The following SYNDIG1L variants were observed in gnomAD, a reference collection of about 807,000 sequenced individuals.
SYNDIG1L encodes synapse differentiation inducing 1 like, also known as synapse differentiation-inducing gene protein 1-like.
Under a neutral mutation model 20.1 loss-of-function variants are expected in SYNDIG1L, and 13 were observed. The observed-to-expected ratio is 0.65, with a 90% confidence interval of 0.42 to 1.03. The LOEUF (loss-of-function observed/expected upper bound fraction) is 1.03, where lower values mean the gene tolerates loss of function less well. Among genes scored for constraint, SYNDIG1L ranks in the 50% least tolerant of loss-of-function variants. The pLI is 0.00. For missense variants in SYNDIG1L, 294 were observed against 305.1 expected (o/e 0.96, Z 0.27); for synonymous variants, 128 against 129.3 (o/e 0.99, Z 0.07).
the SYNDIG1L span, among the ~76,000 whole-genome samples, chr14:74,468,939 G>A: frequency 2.0e-5 from 3 of 152,022 alleles, no homozygotes; most frequent in African/African-American, 4.8e-5. Context: ...TCTTCCCTTC[G>A]CTTGGACACC....
the SYNDIG1L span, among the ~76,000 whole-genome samples, chr14:74,465,009 G>C: frequency 6.6e-6 from 1 of 152,204 alleles, no homozygotes; most frequent in East Asian, 1.9e-4. Context: ...GTGGGGAAGA[G>C]GGTGAATGCT....
At chr14:74,419,441 C>A (rs1376468268) in intron 1 of SYNDIG1L, among the ~76,000 whole-genome samples, 1 of 152,130 alleles carries the variant, frequency 6.6e-6, no homozygotes, top group Non-Finnish European at 1.5e-5. Flanking sequence ...GCTAGGTGTA[C>A]TGAGACTCTC....
At position 74,406,746 on chromosome 14, in the gene SYNDIG1L, A is replaced by G. The variant is rs1425163173; in HGVS notation, c.*789T>C. 6.6e-6 allele frequency: 1 copy of G among 152,374 alleles called. No individual in the cohort carries two copies. The highest frequency in any genetic ancestry group is 1.9e-4 in the East Asian group (1 of 5,190). The allele number at this position is 152,374 out of a possible 1,614,324, so 9.4% of individuals were successfully genotyped here. A position where few individuals can be genotyped will look rare whatever the true frequency, so the allele number is the denominator to read the frequency against. ...TCACGGACCCCCAGGCAAAGCCCAG[A>G]AAAGGATGATAGGGGCGGGGAGTGG... On this transcript the variant is annotated 3_prime_UTR_variant, in exon 4 of 4. Coordinates refer to ENST00000331628, the MANE Select transcript of SYNDIG1L (RefSeq NM_001105579.2).
chr14:74,411,325 G>A (rs953811495), intron 1 of SYNDIG1L, among the ~76,000 whole-genome samples: 2 of 151,668 alleles, frequency 1.3e-5, no homozygotes, highest in African/African-American at 4.9e-5. Flanking sequence ...GGTAGATTTT[G>A]AGAGAGGGGG....
chr14:74,441,419 C>T, the SYNDIG1L span, among the ~76,000 whole-genome samples: 1 of 152,114 alleles, frequency 6.6e-6, no homozygotes, highest in Admixed American at 6.5e-5. Flanking sequence ...GAGTTTGGGG[C>T]TAGGAGTTCT....
chr14:74,438,157 C>A, the SYNDIG1L span, among the ~76,000 whole-genome samples: 1 of 152,172 alleles, frequency 6.6e-6, no homozygotes, highest in Non-Finnish European at 1.5e-5. Flanking sequence ...CCAAGCACAT[C>A]AATATCTCTT....
chr14:74,419,340 G>T (rs541257252), intron 1 of SYNDIG1L, among the ~76,000 whole-genome samples: 2 of 152,254 alleles, frequency 1.3e-5, no homozygotes, highest in South Asian at 4.2e-4. Flanking sequence ...GGTCTGTCTT[G>T]CTCCTCCCTG....
At chr14:74,413,776 T>TCACACA (rs3047686) in intron 1 of SYNDIG1L, among the ~76,000 whole-genome samples, 5 of 150,038 alleles carry the variant, frequency 3.3e-5, no homozygotes, top group Admixed American at 2.7e-4. Context: ...ACATATACAC[T>TCACACA]CACACACACA....
chr14:74,427,620 C>A (rs141904350), upstream of SYNDIG1L, among the ~76,000 whole-genome samples: 584 of 152,310 alleles, frequency 3.8e-3, 4 homozygotes, highest in African/African-American at 0.013. Context: ...TATATTATTG[C>A]TCTTCCTGTC....
At chr14:74,476,685 C>A in the SYNDIG1L span, 1 of 936,022 alleles carries the variant, frequency 1.1e-6, no homozygotes, top group Non-Finnish European at 1.6e-6. Flanking sequence ...TCTTCCAGGA[C>A]CCTTGAGCCA....
the SYNDIG1L span, among the ~76,000 whole-genome samples, chr14:74,440,003 A>G: frequency 3.6e-4 from 55 of 152,262 alleles, no homozygotes; most frequent in African/African-American, 1.3e-3. Flanking sequence ...TATGTATTGT[A>G]TATCCTTCCA....
upstream of SYNDIG1L, among the ~76,000 whole-genome samples, chr14:74,426,836 T>A (rs1264949667): frequency 6.6e-6 from 1 of 151,704 alleles, no homozygotes; most frequent in Non-Finnish European, 1.5e-5. Flanking sequence ...GCACAGGTTT[T>A]AAAGCTCATG....
At chr14:74,435,611 G>T in the SYNDIG1L span, among the ~76,000 whole-genome samples, 1 of 152,136 alleles carries the variant, frequency 6.6e-6, no homozygotes, top group Non-Finnish European at 1.5e-5. Flanking sequence ...TTTTACCTCC[G>T]TAATATGCAT....
chr14:74,437,822 T>C, the SYNDIG1L span, among the ~76,000 whole-genome samples: 1,112 of 152,296 alleles, frequency 7.3e-3, 19 homozygotes, highest in African/African-American at 0.025. Flanking sequence ...TCAGCAAATT[T>C]GTTTGGCAGC....
At chr14:74,440,580 G>T in the SYNDIG1L span, among the ~76,000 whole-genome samples, 4,459 of 150,756 alleles carry the variant, frequency 0.03, 80 homozygotes, top group Middle Eastern at 0.045. Context: ...AGCTACTCGG[G>T]AGGCTAAGGC....
the SYNDIG1L span, among the ~76,000 whole-genome samples, chr14:74,434,857 G>A: frequency 6.6e-6 from 1 of 151,228 alleles, no homozygotes; most frequent in African/African-American, 2.4e-5. Flanking sequence ...CGAGGCAGGT[G>A]GATCATGAGG....
At chr14:74,435,493 G>T in the SYNDIG1L span, among the ~76,000 whole-genome samples, 2 of 152,196 alleles carry the variant, frequency 1.3e-5, no homozygotes, top group Non-Finnish European at 2.9e-5. Context: ...CAGCTGGTTG[G>T]CAGGGGAGTC....
At chr14:74,458,346 A>C in the SYNDIG1L span, among the ~76,000 whole-genome samples, 1 of 151,984 alleles carries the variant, frequency 6.6e-6, no homozygotes, top group Non-Finnish European at 1.5e-5. Flanking sequence ...CTATAATCCC[A>C]GCACTTTGGC....
rs114518374 is a variant in SYNDIG1L, at chr14:74,425,578, G to C, written c.-58+334C>G. Among the ~76,000 whole-genome samples, 446 of 152,330 alleles carry C rather than the reference G, an allele frequency of 2.9e-3. 2 individuals carry two copies. The highest frequency in any genetic ancestry group is 0.01 in the African/African-American group (423 of 41,580). ...ATTTTGCTAGTGTCGCAAAACCTTG[G>C]TGGGGACTGGGGTACCAGGGAGTCT... On this transcript the variant is annotated intron_variant, in intron 1 of 3. Coordinates refer to ENST00000331628, the MANE Select transcript of SYNDIG1L (RefSeq NM_001105579.2).
Sources: allele counts gnomAD v4.1 joint callset (sites outside exome capture counted in the v4.1 genomes callset), GRCh38; gene constraint gnomAD v4.1.1; transcripts MANE v1.5; gene names NCBI Gene and HGNC (gene_info 2026-07-23, HGNC 2026-07-21).